Variants in RGS7 observed in about 807,000 individuals in gnomAD.
RGS7 encodes the protein regulator of G protein signaling 7.
Under a neutral mutation model 81.1 loss-of-function variants are expected in RGS7, and 27 were observed. The ratio of observed to expected loss-of-function variants is 0.33; its 90% CI spans 0.25 to 0.46. The LOEUF (loss-of-function observed/expected upper bound fraction) is 0.46. Among genes scored for constraint, RGS7 ranks in the 20% least tolerant of loss-of-function variants. The pLI is 1.00. For synonymous variants in RGS7, 208 were observed against 207.7 expected, an observed-to-expected ratio of 1.00 and a Z score of -0.01; for missense variants, 396 against 607.4, an observed-to-expected ratio of 0.65 and a Z score of 3.66.
chr1:241,197,851 G>T (rs1330091519), intron 2 of RGS7, among the ~76,000 whole-genome samples: 10 of 148,266 alleles, frequency 6.7e-5, no homozygotes, highest in African/African-American at 2.2e-4. Flanking sequence ...AAAAAAGATT[G>T]CAAACTTGAT....
intron 2 of RGS7, among the ~76,000 whole-genome samples, chr1:241,173,243 C>T (rs1010986440): frequency 6.6e-6 from 1 of 152,180 alleles, no homozygotes; most frequent in Non-Finnish European, 1.5e-5. Flanking sequence ...TCTACTCTAG[C>T]TCACTTCTTC....
chr1:241,045,716 C>T (rs1342733862), intron 3 of RGS7, among the ~76,000 whole-genome samples: 1 of 152,144 alleles, frequency 6.6e-6, no homozygotes, highest in Non-Finnish European at 1.5e-5. Context: ...TTGCCTTTTG[C>T]CCAAACATAA....
intron 3 of RGS7, among the ~76,000 whole-genome samples, chr1:240,999,683 A>C (rs498683): frequency 0.56 from 85,680 of 151,824 alleles, 24,617 homozygotes; most frequent in African/African-American, 0.67. Context: ...TCAGTGCAAC[A>C]TCTACCTCCC....
At chr1:240,941,807 T>G (rs1218219445) in intron 4 of RGS7, among the ~76,000 whole-genome samples, 2 of 151,334 alleles carry the variant, frequency 1.3e-5, no homozygotes, top group East Asian at 1.9e-4. Context: ...CCGCTGACAA[T>G]CTTGGAACAA....
Position 241,269,396 on chromosome 1 carries a change from C to T in RGS7, c.78+86303G>A, listed in dbSNP as rs559437330. 4.6e-5 allele frequency among the ~76,000 whole-genome samples: 7 copies of T among 152,360 alleles called. No individual in the cohort carries two copies. The South Asian group carries it at 1.0e-3, about 23-fold the overall frequency. On this transcript the variant is annotated intron_variant, in intron 2 of 18. Coordinates refer to ENST00000440928, the MANE Select transcript of RGS7 (RefSeq NM_001364886.1). ...TGGAAGAGCACTGGGTTCAAGCCCA[C>T]GTTCCGTCCATCCCAGAGGGCCCTC...
chr1:240,989,986 G>A lies in RGS7; in HGVS notation c.176-6857C>T, dbSNP rs900926954. On this transcript the variant is annotated intron_variant, in intron 3 of 18. Coordinates refer to ENST00000440928, the MANE Select transcript of RGS7 (RefSeq NM_001364886.1). ...TTTGCTATTTTCCATCCACAAAGTG[G>A]GTCATGAAGGCTCACAGCTCCTGGG... Among the ~76,000 whole-genome samples the A allele has an allele frequency of 2.6e-5, 4 of 152,098 alleles. No homozygotes were observed. The East Asian group carries it at 7.7e-4, about 29-fold the overall frequency.
intron 2 of RGS7, among the ~76,000 whole-genome samples, chr1:241,235,031 G>T (rs553705714): frequency 9.2e-5 from 14 of 152,202 alleles, no homozygotes; most frequent in African/African-American, 3.1e-4. Flanking sequence ...TATTCATCAT[G>T]ATGTTAATAA....
At position 241,353,297 on chromosome 1, in the gene RGS7, A is replaced by T. The variant is rs184016566; in HGVS notation, c.78+2402T>A. On this transcript the variant is annotated intron_variant, in intron 2 of 18. Transcript: ENST00000440928. ...TTCTTCACATTGAAATTTGGCCTCTACTGAGAAGATATTGAATGGAAAGCC... is the reference window on the plus strand; with the variant it reads ...TTCTTCACATTGAAATTTGGCCTCTTCTGAGAAGATATTGAATGGAAAGCC... Among the ~76,000 whole-genome samples, 220 of 152,300 alleles carry T rather than the reference A, an allele frequency of 1.4e-3. 2 individuals carry two copies. The highest frequency in any genetic ancestry group is 5.1e-3 in the African/African-American group (214 of 41,566).
chr1:240,934,730 A>G (rs113421435), intron 5 of RGS7, among the ~76,000 whole-genome samples: 3 of 152,240 alleles, frequency 2.0e-5, no homozygotes, highest in African/African-American at 7.2e-5. Flanking sequence ...CTATCTCAGC[A>G]CACTGAACTT....
chr1:241,245,840 C>G (rs1279273704), intron 2 of RGS7, among the ~76,000 whole-genome samples: 1 of 150,886 alleles, frequency 6.6e-6, no homozygotes, highest in Non-Finnish European at 1.5e-5. Flanking sequence ...CGCGGTGGCT[C>G]ATGCCTGTAA....
At chr1:241,097,693 C>T (rs2064374819) in intron 3 of RGS7, among the ~76,000 whole-genome samples, 1 of 152,072 alleles carries the variant, frequency 6.6e-6, no homozygotes, top group Non-Finnish European at 1.5e-5. Context: ...AGGCCATGCC[C>T]CAGCACATCC....
rs955291403 is a variant in RGS7, at chr1:240,807,334, G to C, written c.1083-1008C>G. 1.1e-4 allele frequency among the ~76,000 whole-genome samples: 16 copies of C among 152,102 alleles called. 1 individual carries two copies. The highest frequency in any genetic ancestry group is 3.6e-4 in the African/African-American group (15 of 41,416). ...CTCTACTAGAAAAAGGAGCTGCTAG[G>C]ACTGTGTTATCCTCCATAAACACTC... On this transcript the variant is annotated intron_variant, in intron 14 of 18. Coordinates refer to ENST00000440928, the MANE Select transcript of RGS7 (RefSeq NM_001364886.1).
intron 3 of RGS7, among the ~76,000 whole-genome samples, chr1:240,992,100 T>A (rs1051651506): frequency 3.9e-5 from 6 of 152,166 alleles, no homozygotes; most frequent in African/African-American, 1.4e-4. Context: ...CCAGCATTGG[T>A]CAAGAGGTGG....
intron 2 of RGS7, among the ~76,000 whole-genome samples, chr1:241,102,415 C>T (rs995299995): frequency 1.3e-5 from 2 of 152,194 alleles, no homozygotes; most frequent in African/African-American, 4.8e-5. Context: ...GTACCCCTTC[C>T]TCACTAACCA....
intron 2 of RGS7, among the ~76,000 whole-genome samples, chr1:241,208,505 G>C (rs1177542706): frequency 6.6e-6 from 1 of 152,070 alleles, no homozygotes; most frequent in African/African-American, 2.4e-5. Flanking sequence ...TGTTGTCTAG[G>C]TGAAAATAAG....
chr1:240,971,868 T>C (rs1286570807), intron 4 of RGS7, among the ~76,000 whole-genome samples: 1 of 152,168 alleles, frequency 6.6e-6, no homozygotes, highest in African/African-American at 2.4e-5. Flanking sequence ...CAATAAAATA[T>C]ATATTTTGTA....
At chr1:240,839,763 G>T (rs1419908148) in intron 9 of RGS7, among the ~76,000 whole-genome samples, 1 of 152,100 alleles carries the variant, frequency 6.6e-6, no homozygotes, top group East Asian at 1.9e-4. Flanking sequence ...CAGATTCATT[G>T]CTAATTTTGG....
intron 4 of RGS7, among the ~76,000 whole-genome samples, chr1:240,977,864 G>A (rs1171341572): frequency 6.6e-6 from 1 of 152,222 alleles, no homozygotes; most frequent in African/African-American, 2.4e-5. Flanking sequence ...CCCCGCAGTG[G>A]AGGGCAAACA....
chr1:240,791,846 A>C (rs1351939964), intron 18 of RGS7, among the ~76,000 whole-genome samples: 5 of 152,184 alleles, frequency 3.3e-5, no homozygotes, highest in African/African-American at 4.8e-5. Flanking sequence ...CAAATTTATA[A>C]AAATAATGTG....
Sources: allele counts gnomAD v4.1 joint callset (sites outside exome capture counted in the v4.1 genomes callset), GRCh38; gene constraint gnomAD v4.1.1; transcripts MANE v1.5; gene names NCBI Gene and HGNC (gene_info 2026-07-23, HGNC 2026-07-21).